The following MCEE variants were observed in gnomAD, a reference collection of about 807,000 sequenced individuals.
The protein encoded by MCEE is methylmalonyl-CoA epimerase.
MCEE carries 6 observed loss-of-function variants against 12.9 expected under a neutral mutation model. That is an observed-to-expected ratio of 0.47 (90% CI 0.26 to 0.92). The LOEUF is 0.92. MCEE is among the 40% of genes least tolerant of loss of function. The pLI is 0.16. For missense variants in MCEE, 214 were observed against 212.1 expected (o/e 1.01, Z -0.05); for synonymous variants, 78 against 77.9 (o/e 1.00, Z -0.01).
rs1673337528 is a variant in MCEE at position 71,130,106 on chromosome 2, G to C, written c.40+74C>G. ...GATCAAGGTGCTTTGGCCACGCCGA[G>C]GCCTCCTCCGCCCCCGACCGCCGTT... On this transcript the variant is annotated intron_variant, in intron 1 of 2. Transcript: ENST00000244217. The C allele has an allele frequency of 5.5e-6, 8 of 1,464,792 alleles. No individual in the cohort carries two copies. In the South Asian group the frequency reaches 9.6e-5, roughly 17 times the overall value. 90.7% of individuals were successfully genotyped at this position (1,464,792 alleles called of 1,614,324 possible). A position where few individuals can be genotyped will look rare whatever the true frequency, so the allele number is the denominator to read the frequency against.
chr2:71,115,802 C>T (rs13419189), intron 2 of MCEE, among the ~76,000 whole-genome samples: 1,022 of 47,254 alleles, frequency 0.022, 53 homozygotes, highest in African/African-American at 0.082. Flanking sequence ...AGTCATATAC[C>T]GGGGCCTGTT....
In MCEE at chr2:71,120,525, C is replaced by T. The variant is rs147844029; in HGVS notation, c.378+3681G>A. Among the ~76,000 whole-genome samples, 21 of 150,580 alleles carry T rather than the reference C, an allele frequency of 1.4e-4. No individual in the cohort carries two copies. In the East Asian group the frequency reaches 3.7e-3, roughly 26 times the overall value. ...CCTCACAAGAAAAAGTAGAAACCAA[C>T]TCAACCTCGACAGAAAAATGCTAAT... is the stretch of plus-strand genomic sequence containing the variant. On this transcript the variant is annotated intron_variant, in intron 2 of 2. Transcript: ENST00000244217.
chr2:71,115,666 A>G (rs997823301), intron 2 of MCEE, among the ~76,000 whole-genome samples: 3 of 150,228 alleles, frequency 2.0e-5, no homozygotes, highest in Non-Finnish European at 4.4e-5. Context: ...AGTCCCTCTA[A>G]GTAAGGATGA....
At chr2:71,127,813 G>C (rs1424478727) in intron 1 of MCEE, among the ~76,000 whole-genome samples, 1 of 152,180 alleles carries the variant, frequency 6.6e-6, no homozygotes, top group Non-Finnish European at 1.5e-5. Flanking sequence ...TTTTAGTAGA[G>C]ATGGGTTTTG....
At chr2:71,119,059 T>A (rs1168719517) in intron 2 of MCEE, among the ~76,000 whole-genome samples, 1 of 150,158 alleles carries the variant, frequency 6.7e-6, no homozygotes, top group Non-Finnish European at 1.5e-5. Flanking sequence ...TTCTGCTCTG[T>A]CCTACCTGAA....
At chr2:71,117,328 G>A (rs1297397487) in intron 2 of MCEE, among the ~76,000 whole-genome samples, 1 of 150,576 alleles carries the variant, frequency 6.6e-6, no homozygotes, top group East Asian at 1.9e-4. Context: ...ATATAGTCTA[G>A]TGGGGGCTAT....
chr2:71,116,548 C>CTT (rs200248524), intron 2 of MCEE, among the ~76,000 whole-genome samples: 1,903 of 128,966 alleles, frequency 0.015, 169 homozygotes, highest in African/African-American at 0.056. Flanking sequence ...GAATTCAAAA[C>CTT]TTTTTTTTTT....
chr2:71,119,744 C>A (rs558576491), intron 2 of MCEE, among the ~76,000 whole-genome samples: 3 of 150,324 alleles, frequency 2.0e-5, no homozygotes, highest in Non-Finnish European at 2.9e-5. Flanking sequence ...CAGGAAAATA[C>A]AAAGATACTA....
intron 2 of MCEE, among the ~76,000 whole-genome samples, chr2:71,111,482 C>T (rs1437464730): frequency 1.3e-5 from 2 of 152,178 alleles, no homozygotes; most frequent in African/African-American, 4.8e-5. Context: ...CAAAGCCCTT[C>T]TGAGTACTCT....
At chr2:71,115,973 G>A (rs923535600) in intron 2 of MCEE, among the ~76,000 whole-genome samples, 1 of 150,104 alleles carries the variant, frequency 6.7e-6, no homozygotes, top group African/African-American at 2.5e-5. Context: ...TTTAAAAAAG[G>A]GGGGGGTTAT....
intron 2 of MCEE, among the ~76,000 whole-genome samples, chr2:71,120,029 G>A (rs1196139621): frequency 6.7e-6 from 1 of 149,776 alleles, no homozygotes; most frequent in Non-Finnish European, 1.5e-5. Context: ...CTCCAGCATG[G>A]GTGACACAGT....
At chr2:71,111,137 G>A (rs754040236) in intron 2 of MCEE, among the ~76,000 whole-genome samples, 10 of 152,064 alleles carry the variant, frequency 6.6e-5, no homozygotes, top group Non-Finnish European at 1.2e-4. Context: ...TCTTCATATG[G>A]CACATATTCT....
chr2:71,124,214 A>G lies in MCEE; in HGVS notation c.370T>C (p.Cys124Arg). ...KNKAGGMHHI[C>R]IEVDNINAAV... ...TAAAATAATTAAAATACCTCGATGC[A>G]GATGTGATGCATTCCTCCAGCCTTG... The change falls in exon 2 of 3, where the codon TGC (cysteine) becomes CGC (arginine). Residue 124 changes from cysteine to arginine, a missense_variant. Transcript: ENST00000244217. 1 of 1,610,676 alleles carries G rather than the reference A, an allele frequency of 6.2e-7. No homozygotes were observed. Among genetic ancestry groups the G allele is most frequent in the Non-Finnish European group, 8.5e-7 (1 of 1,176,912 alleles).
At chr2:71,121,680 G>C (rs1289902707) in intron 2 of MCEE, among the ~76,000 whole-genome samples, 1 of 149,814 alleles carries the variant, frequency 6.7e-6, no homozygotes, top group African/African-American at 2.4e-5. Flanking sequence ...AATACTGATA[G>C]TGCAGTGTGG....
chr2:71,122,566 TG>T (rs2103635059), intron 2 of MCEE, among the ~76,000 whole-genome samples: 1 of 152,290 alleles, frequency 6.6e-6, no homozygotes, highest in African/African-American at 2.4e-5. Flanking sequence ...ACATCTTACA[TG>T]GATGGCAGCA....
At chr2:71,115,410 A>AGGC (rs1558744013) in intron 2 of MCEE, among the ~76,000 whole-genome samples, 4 of 140,744 alleles carry the variant, frequency 2.8e-5, no homozygotes, top group South Asian at 2.1e-4. Context: ...TCTAAATGAC[A>AGGC]TTGCACTAGC....
intron 1 of MCEE, among the ~76,000 whole-genome samples, chr2:71,129,215 A>C (rs1030871412): frequency 6.6e-6 from 1 of 152,198 alleles, no homozygotes; most frequent in African/African-American, 2.4e-5. Flanking sequence ...GTTGGAAGTC[A>C]TACTTTTTCC....
intron 2 of MCEE, among the ~76,000 whole-genome samples, chr2:71,120,578 G>A (rs1416660077): frequency 1.3e-5 from 2 of 150,372 alleles, no homozygotes; most frequent in Non-Finnish European, 2.9e-5. Flanking sequence ...ATCCACATGT[G>A]AGAAAGGAAC....
intron 1 of MCEE, among the ~76,000 whole-genome samples, chr2:71,128,988 A>AC (rs1174054435): frequency 6.6e-6 from 1 of 151,192 alleles, no homozygotes; most frequent in African/African-American, 2.4e-5. Context: ...CTGTCTCAAA[A>AC]AAAAAAAAAA....
Sources: allele counts gnomAD v4.1 joint callset (sites outside exome capture counted in the v4.1 genomes callset), GRCh38; gene constraint gnomAD v4.1.1; transcripts MANE v1.5; gene names NCBI Gene and HGNC (gene_info 2026-07-23, HGNC 2026-07-21).